ZNF704: variants seen among roughly 807,000 people sequenced by gnomAD.
The protein encoded by ZNF704 is glucocorticoid induced gene 1.
In ZNF704, 10 loss-of-function variants were observed where a neutral mutation model predicts 44.7. The observed-to-expected ratio is 0.22, with a 90% CI of 0.14 to 0.38. ZNF704 has a LOEUF of 0.38. Ranked by LOEUF, ZNF704 falls within the 10% of genes least tolerant of loss-of-function variation. ZNF704 has a pLI of 1.00. For missense variants in ZNF704, 390 were observed against 545.5 expected, an observed-to-expected ratio of 0.71 and a Z score of 2.84; for synonymous variants, 211 against 207.6, an observed-to-expected ratio of 1.02 and a Z score of -0.14.
At chr8:80,814,574 T>C (rs183496359) in intron 2 of ZNF704, among the ~76,000 whole-genome samples, 69 of 152,356 alleles carry the variant, frequency 4.5e-4, no homozygotes, top group Non-Finnish European at 9.8e-4. Flanking sequence ...AGCTACTTTA[T>C]GGGTATTGCT....
At chr8:80,730,412 G>GC (rs1397193911) in intron 2 of ZNF704, among the ~76,000 whole-genome samples, 10 of 151,874 alleles carry the variant, frequency 6.6e-5, no homozygotes, top group African/African-American at 2.4e-4. Context: ...GGTGGTGCGT[G>GC]CCTGTAGTCC....
upstream of ZNF704, among the ~76,000 whole-genome samples, chr8:80,879,240 A>ATTTTTTTT (rs34086990): frequency 6.8e-6 from 1 of 146,410 alleles, no homozygotes; most frequent in Non-Finnish European, 1.5e-5. Flanking sequence ...ATGCATGTCA[A>ATTTTTTTT]TTTTTTTTTT....
chr8:80,730,114 T>G (rs1806553619), intron 2 of ZNF704, among the ~76,000 whole-genome samples: 1 of 152,148 alleles, frequency 6.6e-6, no homozygotes, highest in African/African-American at 2.4e-5. Flanking sequence ...AACTTTAAAC[T>G]TCAGTCACAT....
At chr8:80,866,992 G>A (rs1809167152) in intron 1 of ZNF704, among the ~76,000 whole-genome samples, 1 of 152,160 alleles carries the variant, frequency 6.6e-6, no homozygotes, top group Non-Finnish European at 1.5e-5. Context: ...TCTAATGCTT[G>A]TGTTATGGGG....
intron 1 of ZNF704, among the ~76,000 whole-genome samples, chr8:80,846,034 G>A (rs1808761998): frequency 6.6e-6 from 1 of 151,962 alleles, no homozygotes; most frequent in Non-Finnish European, 1.5e-5. Context: ...GCTGAGTATT[G>A]TGTATAACAT....
intron 2 of ZNF704, among the ~76,000 whole-genome samples, chr8:80,747,716 TTTTG>T (rs751964356): frequency 1.3e-3 from 195 of 152,272 alleles, no homozygotes; most frequent in East Asian, 4.4e-3. Flanking sequence ...AAAATGGTTT[TTTTG>T]TTTGTTTGTT....
chr8:80,870,979 CATGGTCTCATCCTGG>C (rs1809242402), intron 1 of ZNF704, among the ~76,000 whole-genome samples: 1 of 152,194 alleles, frequency 6.6e-6, no homozygotes, highest in Non-Finnish European at 1.5e-5. Flanking sequence ...ACATTTACAT[CATGGTCTCATCCTGG>C]ATTCCTCCCT....
chr8:80,773,691 C>T (rs1227885119), intron 2 of ZNF704, among the ~76,000 whole-genome samples: 1 of 152,172 alleles, frequency 6.6e-6, no homozygotes, highest in Non-Finnish European at 1.5e-5. Flanking sequence ...GATATTTTCT[C>T]TGGGTATGAA....
intron 2 of ZNF704, among the ~76,000 whole-genome samples, chr8:80,709,607 C>A (rs546759694): frequency 6.6e-6 from 1 of 152,036 alleles, no homozygotes; most frequent in East Asian, 1.9e-4. Flanking sequence ...GGAGAGCCAG[C>A]CAGACCACCA....
intron 2 of ZNF704, among the ~76,000 whole-genome samples, chr8:80,723,692 T>C (rs1315882768): frequency 1.3e-5 from 2 of 152,194 alleles, no homozygotes; most frequent in African/African-American, 4.8e-5. Context: ...TTTTCAACTA[T>C]TTAGACCTAA....
chr8:80,884,199 GA>G, the ZNF704 span, among the ~76,000 whole-genome samples: 2 of 148,226 alleles, frequency 1.3e-5, no homozygotes, highest in African/African-American at 5.3e-5. Flanking sequence ...AACCATTGTA[GA>G]TATAAAGACT....
intron 2 of ZNF704, among the ~76,000 whole-genome samples, chr8:80,751,573 CCAG>C (rs1456486883): frequency 2.4e-4 from 37 of 152,102 alleles, no homozygotes; most frequent in Non-Finnish European, 4.7e-4. Flanking sequence ...GCATTAATTC[CCAG>C]CAGCTGTTTC....
At chr8:80,826,381 G>T (rs1195127558) in intron 1 of ZNF704, among the ~76,000 whole-genome samples, 1 of 152,148 alleles carries the variant, frequency 6.6e-6, no homozygotes, top group Non-Finnish European at 1.5e-5. Context: ...AAACCAGGAA[G>T]AAGTTGAATC....
At chr8:80,710,126 T>G (rs530073045) in intron 2 of ZNF704, among the ~76,000 whole-genome samples, 1 of 152,266 alleles carries the variant, frequency 6.6e-6, no homozygotes, top group African/African-American at 2.4e-5. Flanking sequence ...AAATAAAGCC[T>G]CTGGGGTGAC....
chr8:80,672,781 GGTAA>G (rs565178388), intron 4 of ZNF704, among the ~76,000 whole-genome samples: 137 of 152,186 alleles, frequency 9.0e-4, no homozygotes, highest in African/African-American at 3.3e-3. Context: ...TAGGGAGTGG[GGTAA>G]GTGTTGAAAA....
intron 3 of ZNF704, among the ~76,000 whole-genome samples, chr8:80,688,958 C>CAAAAAAA (rs57878370): frequency 1.4e-5 from 1 of 71,378 alleles, no homozygotes; most frequent in Non-Finnish European, 3.4e-5. Flanking sequence ...GACTCTGTCT[C>CAAAAAAA]AAAAAAAAAA....
intron 2 of ZNF704, among the ~76,000 whole-genome samples, chr8:80,704,002 T>TA (rs1818856952): frequency 7.0e-6 from 1 of 142,696 alleles, no homozygotes; most frequent in South Asian, 2.1e-4. Flanking sequence ...GTTCATAGGA[T>TA]TTTTTTTTTC....
At chr8:80,649,577 A>C (rs1259309454) in intron 7 of ZNF704, among the ~76,000 whole-genome samples, 1 of 152,200 alleles carries the variant, frequency 6.6e-6, no homozygotes, top group Admixed American at 6.5e-5. Flanking sequence ...CTACCACAGC[A>C]GTCTGAGATC....
At chr8:80,858,684 C>CA (rs56880626) in intron 1 of ZNF704, among the ~76,000 whole-genome samples, 16,061 of 143,606 alleles carry the variant, frequency 0.11, 1,110 homozygotes, top group African/African-American at 0.21. Context: ...GATTCTGTCT[C>CA]AAAAAAAAAA....
Sources: gnomAD v4.1 joint callset for allele counts (sites outside exome capture counted in the v4.1 genomes callset) on GRCh38, gnomAD v4.1.1 for gene constraint, MANE v1.5 for transcripts, NCBI Gene and HGNC (gene_info 2026-07-23, HGNC 2026-07-21) for gene names.